The following PCDHGA2 variants were observed in gnomAD, a reference collection of about 807,000 sequenced individuals.
The protein encoded by PCDHGA2 is protocadherin gamma-A2.
PCDHGA2 carries 40 observed loss-of-function variants against 59.2 expected under a neutral mutation model. That is an observed-to-expected ratio of 0.68 (90% CI 0.52 to 0.88). The LOEUF (loss-of-function observed/expected upper bound fraction) is 0.88. Among genes scored for constraint, PCDHGA2 ranks in the 40% least tolerant of loss-of-function variants. The pLI is 0.00. For missense variants in PCDHGA2, 1,226 were observed against 1,204.0 expected (o/e 1.02, Z -0.27); for synonymous variants, 560 against 526.0 (o/e 1.06, Z -0.89).
chr5:141,494,832 G>T lies in PCDHGA2; in HGVS notation c.2450G>T (p.Arg817Leu). 1 of 1,614,066 alleles carries T rather than the reference G, an allele frequency of 6.2e-7. No homozygotes were observed. ...CAAGCCCCGCCCAACACGGACTGGCGTTTCTCTCAGGCCCAGAGACCCGGC... is the reference window on the plus strand; with the variant it reads ...CAAGCCCCGCCCAACACGGACTGGCTTTTCTCTCAGGCCCAGAGACCCGGC... The part of the protein sequence containing the change: ...SQQAPPNTDW[R>L]FSQAQRPGTS... The change falls in exon 2 of 4, where the codon CGT becomes CTT. Residue 817 changes from arginine to leucine, a missense_variant. Transcript: ENST00000394576.
intron 1 of PCDHGA2, chr5:141,410,641 T>G: frequency 6.3e-7 from 1 of 1,599,146 alleles, no homozygotes. Context: ...CTTTTTTGTG[T>G]GTGATTTATC....
intron 1 of PCDHGA2, chr5:141,423,279 C>T: frequency 1.9e-6 from 3 of 1,614,032 alleles, no homozygotes; most frequent in Non-Finnish European, 2.5e-6. Flanking sequence ...CTCTGGCTAA[C>T]TCTGAAACCT....
intron 1 of PCDHGA2, chr5:141,376,677 T>TTTTTTTTTTG: frequency 9.5e-6 from 1 of 105,324 alleles, no homozygotes; most frequent in Non-Finnish European, 1.5e-5. Flanking sequence ...GAGGGTATCG[T>TTTTTTTTTTG]TTTTTTTTTT....
intron 1 of PCDHGA2, among the ~76,000 whole-genome samples, chr5:141,446,174 G>A (rs1242027176): frequency 1.3e-5 from 2 of 152,062 alleles, no homozygotes; most frequent in Non-Finnish European, 2.9e-5. Context: ...GAGGGCAGGG[G>A]GTGTTTTGTT....
intron 1 of PCDHGA2, chr5:141,375,494 A>G (rs531964516): frequency 6.2e-7 from 1 of 1,613,834 alleles, no homozygotes; most frequent in Non-Finnish European, 8.5e-7. Flanking sequence ...GGGTGCCTCC[A>G]TCTTCTCTGT....
At chr5:141,393,114 C>A (rs750579370) in intron 1 of PCDHGA2, 3 of 1,613,300 alleles carry the variant, frequency 1.9e-6, no homozygotes, top group South Asian at 2.2e-5. Context: ...TCAGAGCCCG[C>A]GGTGTCTGAT....
At position 141,413,207 on chromosome 5, in the gene PCDHGA2, C is replaced by T. The variant is rs563279284; in HGVS notation, c.2424+71812C>T. The T allele has an allele frequency of 4.7e-5, 76 of 1,612,874 alleles. 2 individuals carry two copies. The South Asian group carries it at 7.6e-4, about 16-fold the overall frequency. ...GCTCAAAGGAATCGCTCAAAGGAAT[C>T]AAAGGATTGCAGCGGGCTGGTCCTG... On this transcript the variant is annotated intron_variant, in intron 1 of 3. Coordinates refer to ENST00000394576, the MANE Select transcript of PCDHGA2 (RefSeq NM_018915.4).
intron 1 of PCDHGA2, chr5:141,413,173 A>G: frequency 6.2e-7 from 1 of 1,600,856 alleles, no homozygotes; most frequent in African/African-American, 1.3e-5. Context: ...TAACCAGACT[A>G]CAATGGCCGC....
At chr5:141,372,739 GT>G in intron 1 of PCDHGA2, 1 of 1,613,668 alleles carries the variant, frequency 6.2e-7, no homozygotes, top group Non-Finnish European at 8.5e-7. Context: ...GATCTTCTAT[GT>G]GATGAAGCCT....
At chr5:141,375,126 T>C (rs752210240) in intron 1 of PCDHGA2, 10 of 1,613,870 alleles carry the variant, frequency 6.2e-6, no homozygotes, top group African/African-American at 2.7e-5. Flanking sequence ...CCAGAAGTGG[T>C]TGTTACATCT....
intron 1 of PCDHGA2, chr5:141,478,700 C>A: frequency 1.3e-6 from 2 of 1,549,172 alleles, no homozygotes; most frequent in Non-Finnish European, 1.7e-6. Flanking sequence ...AAAGTTAGTG[C>A]CTTTGTGAGA....
At chr5:141,365,352 A>G in intron 1 of PCDHGA2, 1 of 1,613,938 alleles carries the variant, frequency 6.2e-7, no homozygotes. Flanking sequence ...CAGGACGTGA[A>G]TGACAATGCC....
intron 1 of PCDHGA2, chr5:141,403,713 A>G (rs2094445702): frequency 2.5e-6 from 4 of 1,613,946 alleles, no homozygotes; most frequent in Non-Finnish European, 2.5e-6. Flanking sequence ...GTCCTTGAGA[A>G]CGTGCCCCCA....
At chr5:141,499,689 C>CTTT (rs545067566) in intron 2 of PCDHGA2, among the ~76,000 whole-genome samples, 57 of 119,830 alleles carry the variant, frequency 4.8e-4, no homozygotes, top group Non-Finnish European at 6.2e-4. Context: ...TAACAGATGA[C>CTTT]TTTTTTTTTT....
At position 141,408,331 on chromosome 5, in the gene PCDHGA2, G is replaced by C. The variant is rs779178317; in HGVS notation, c.2424+66936G>C. On this transcript the variant is annotated intron_variant, in intron 1 of 3. Transcript: ENST00000394576. Reference sequence around the variant, plus strand: ...ACTCGATTCCGGAGGAGCTGGCCAAGGGCTCGGTGGTGGGGAACCTCGCTA... The same window carrying C: ...ACTCGATTCCGGAGGAGCTGGCCAACGGCTCGGTGGTGGGGAACCTCGCTA... 3.1e-6 allele frequency: 5 copies of C among 1,613,932 alleles called. No individual in the cohort carries two copies. In the South Asian group the frequency reaches 5.5e-5, roughly 18 times the overall value.
intron 1 of PCDHGA2, among the ~76,000 whole-genome samples, chr5:141,465,839 G>A (rs1166392052): frequency 6.6e-6 from 1 of 151,400 alleles, no homozygotes; most frequent in Non-Finnish European, 1.5e-5. Context: ...AATTTCAACT[G>A]AGGCTGGGCC....
At chr5:141,364,449 A>G in intron 1 of PCDHGA2, 1 of 1,613,984 alleles carries the variant, frequency 6.2e-7, no homozygotes, top group Admixed American at 1.7e-5. Context: ...GAGGAGCTGG[A>G]CAAAGGCTCC....
rs1316573600 is a variant in PCDHGA2 at position 141,490,443 on chromosome 5, G to A, written c.2425-4364G>A. The A allele has an allele frequency of 1.2e-6, 2 of 1,614,174 alleles. No individual in the cohort carries two copies. Among genetic ancestry groups the A allele is most frequent in the Non-Finnish European group, 8.5e-7 (1 of 1,180,042 alleles). On this transcript the variant is annotated intron_variant, in intron 1 of 3. Coordinates refer to ENST00000394576, the MANE Select transcript of PCDHGA2 (RefSeq NM_018915.4). The surrounding 1 kb of genome is among the most constrained non-coding windows in gnomAD (Gnocchi z 5.4). ...TGCCATTTCAGATTAAGCCTTCTGA[G>A]AACCACTACTCGCTGCTAACCAGCC...
At chr5:141,433,866 T>C (rs1191114798) in intron 1 of PCDHGA2, among the ~76,000 whole-genome samples, 1 of 151,870 alleles carries the variant, frequency 6.6e-6, no homozygotes, top group African/African-American at 2.4e-5. Context: ...CTTTATCCTC[T>C]AGTTTCATCC....
Sources: gnomAD v4.1 joint callset for allele counts (sites outside exome capture counted in the v4.1 genomes callset) on GRCh38, gnomAD v4.1.1 for gene constraint, Gnocchi (gnomAD v3.1) non-coding constraint, MANE v1.5 for transcripts, NCBI Gene and HGNC (gene_info 2026-07-23, HGNC 2026-07-21) for gene names.